The following PSD3 variants were observed in gnomAD, a reference collection of about 807,000 sequenced individuals.
PSD3 encodes the protein pleckstrin and Sec7 domain containing 3, also known as PH and SEC7 domain-containing protein 3.
PSD3 carries 49 observed loss-of-function variants against 105.5 expected under a neutral mutation model. That is an observed-to-expected ratio of 0.46 (90% CI 0.37 to 0.59). The LOEUF (loss-of-function observed/expected upper bound fraction) is 0.59. Ranked by LOEUF, PSD3 falls within the 20% of genes least tolerant of loss-of-function variation. PSD3 has a pLI of 0.00. For missense variants in PSD3, 1,561 were observed against 1,263.8 expected (o/e 1.24, Z -3.57); for synonymous variants, 557 against 457.8 (o/e 1.22, Z -2.77).
chr8:18,906,596 T>C (rs1162943435), intron 2 of PSD3, among the ~76,000 whole-genome samples: 1 of 152,184 alleles, frequency 6.6e-6, no homozygotes, highest in Non-Finnish European at 1.5e-5. Context: ...ACAATATATA[T>C]GATCTTATTG....
intron 9 of PSD3, among the ~76,000 whole-genome samples, chr8:18,734,650 G>T (rs1435085843): frequency 6.6e-6 from 1 of 152,180 alleles, no homozygotes; most frequent in Non-Finnish European, 1.5e-5. Context: ...AAGTCATGAG[G>T]AGACCTAAAA....
intron 4 of PSD3, among the ~76,000 whole-genome samples, chr8:18,835,573 A>AATAC (rs1389197938): frequency 6.6e-6 from 1 of 152,226 alleles, no homozygotes; most frequent in African/African-American, 2.4e-5. Context: ...GTACGTTGGT[A>AATAC]ATACAGCCAA....
At chr8:19,040,755 A>G (rs1828095025) in intron 1 of PSD3, among the ~76,000 whole-genome samples, 1 of 152,214 alleles carries the variant, frequency 6.6e-6, no homozygotes, top group Non-Finnish European at 1.5e-5. Context: ...GAATAAGCTA[A>G]CTGATGAGGT....
intron 1 of PSD3, among the ~76,000 whole-genome samples, chr8:19,050,719 G>C (rs1828499285): frequency 6.6e-6 from 1 of 152,134 alleles, no homozygotes; most frequent in Admixed American, 6.5e-5. Flanking sequence ...ATAGCATTAG[G>C]AGATATACCT....
At chr8:18,613,441 G>A (rs377560948) in intron 11 of PSD3, among the ~76,000 whole-genome samples, 13 of 152,242 alleles carry the variant, frequency 8.5e-5, no homozygotes, top group African/African-American at 2.9e-4. Context: ...TCACTTTGCT[G>A]ATGCGTATTT....
At chr8:18,574,751 G>A (rs1802369563) in intron 13 of PSD3, among the ~76,000 whole-genome samples, 1 of 152,208 alleles carries the variant, frequency 6.6e-6, no homozygotes, top group Non-Finnish European at 1.5e-5. Context: ...GTGACGAGCT[G>A]AGGTTCAGAG....
intron 2 of PSD3, among the ~76,000 whole-genome samples, chr8:18,879,266 G>C (rs1302201697): frequency 6.6e-6 from 1 of 152,102 alleles, no homozygotes; most frequent in African/African-American, 2.4e-5. Flanking sequence ...ATAACAACTT[G>C]GCAACCGGTC....
intron 2 of PSD3, among the ~76,000 whole-genome samples, chr8:18,921,645 C>T (rs1383329153): frequency 6.6e-6 from 1 of 152,106 alleles, no homozygotes; most frequent in Non-Finnish European, 1.5e-5. Context: ...CCTGCATTGG[C>T]TTCATAGAAA....
intron 9 of PSD3, among the ~76,000 whole-genome samples, chr8:18,683,185 T>C (rs914132950): frequency 6.6e-6 from 1 of 152,206 alleles, no homozygotes; most frequent in Non-Finnish European, 1.5e-5. Flanking sequence ...AGTGGTTTCA[T>C]GGCAGCATAG....
chr8:18,671,911 G>T (rs143928634), intron 9 of PSD3, among the ~76,000 whole-genome samples: 2 of 152,252 alleles, frequency 1.3e-5, no homozygotes, highest in South Asian at 4.2e-4. Flanking sequence ...AATTACAGGC[G>T]TGAGCCACTG....
intron 9 of PSD3, among the ~76,000 whole-genome samples, chr8:18,661,646 C>A (rs1164162494): frequency 2.0e-5 from 3 of 152,126 alleles, no homozygotes; most frequent in African/African-American, 7.2e-5. Context: ...CAGTGGAGGT[C>A]CTTACACCTT....
intron 4 of PSD3, among the ~76,000 whole-genome samples, chr8:18,852,318 G>C (rs1053400199): frequency 6.6e-6 from 1 of 152,162 alleles, no homozygotes; most frequent in African/African-American, 2.4e-5. Flanking sequence ...CAGCTGCACA[G>C]CTACCAACTC....
intron 1 of PSD3, among the ~76,000 whole-genome samples, chr8:18,994,976 G>C (rs1825997222): frequency 6.7e-6 from 1 of 149,892 alleles, no homozygotes; most frequent in African/African-American, 2.5e-5. Context: ...GTCCAGTCTA[G>C]AGCCATCTAA....
At chr8:18,613,035 C>G (rs1181122431) in intron 11 of PSD3, among the ~76,000 whole-genome samples, 4 of 152,006 alleles carry the variant, frequency 2.6e-5, no homozygotes, top group African/African-American at 9.7e-5. Context: ...CAAGAGCATG[C>G]ATCATTAGCT....
Position 18,632,933 on chromosome 8 carries a change from T to C in PSD3, c.2217-127A>G. On this transcript the variant is annotated intron_variant, in intron 10 of 15. Transcript: ENST00000327040. Reference sequence around the variant, plus strand: ...TCACTTTTTATAACCACCACCATGATAATGACAGACACCATTTGTTAAATG... The same window carrying C: ...TCACTTTTTATAACCACCACCATGACAATGACAGACACCATTTGTTAAATG... The C allele has an allele frequency of 8.5e-6, 6 of 705,818 alleles. No homozygotes were observed. In the South Asian group the frequency reaches 8.5e-5, roughly 10 times the overall value. 43.7% of individuals were successfully genotyped at this position (705,818 alleles called of 1,614,324 possible).
intron 7 of PSD3, 37 bp from the exon 8 acceptor site, chr8:18,799,390 C>T: frequency 1.3e-6 from 2 of 1,513,890 alleles, no homozygotes; most frequent in Non-Finnish European, 1.8e-6. Flanking sequence ...CATGAATTCG[C>T]TTTTCACTGT....
At chr8:18,935,706 A>AC (rs67124166) in intron 2 of PSD3, among the ~76,000 whole-genome samples, 2,257 of 151,282 alleles carry the variant, frequency 0.015, 61 homozygotes, top group African/African-American at 0.052. Flanking sequence ...AAAAAAAAAA[A>AC]AACCACCAAA....
At chr8:18,860,154 C>G (rs184412587) in intron 4 of PSD3, among the ~76,000 whole-genome samples, 1 of 151,906 alleles carries the variant, frequency 6.6e-6, no homozygotes, top group African/African-American at 2.4e-5. Flanking sequence ...TAGGGAGGCC[C>G]GAGAAGAGGG....
chr8:18,710,956 T>C (rs1260658439), intron 9 of PSD3, among the ~76,000 whole-genome samples: 1 of 152,084 alleles, frequency 6.6e-6, no homozygotes, highest in East Asian at 1.9e-4. Flanking sequence ...GTTCTGGGAT[T>C]ACAGGCATGA....
Sources: allele counts gnomAD v4.1 joint callset (sites outside exome capture counted in the v4.1 genomes callset), GRCh38; gene constraint gnomAD v4.1.1; transcripts MANE v1.5; gene names NCBI Gene and HGNC (gene_info 2026-07-23, HGNC 2026-07-21).